Variants in CCNJL observed in about 807,000 individuals in gnomAD.
The protein encoded by CCNJL is cyclin J like.
In CCNJL, 33 loss-of-function variants were observed where a neutral mutation model predicts 33.4. That is an observed-to-expected ratio of 0.99 (90% CI 0.75 to 1.32). The LOEUF is 1.32. Ranked by LOEUF, CCNJL falls within the 40% of genes most tolerant of loss-of-function variation. The probability of loss-of-function intolerance (pLI) is 0.00; values close to 1 mark genes in which losing one functional copy is unlikely to be tolerated. For synonymous variants in CCNJL, 227 were observed against 220.9 expected (o/e 1.03, Z -0.24); for missense variants, 512 against 499.7 (o/e 1.02, Z -0.23).
At chr5:160,303,775 C>G (rs530810658) in intron 2 of CCNJL, among the ~76,000 whole-genome samples, 1 of 150,868 alleles carries the variant, frequency 6.6e-6, no homozygotes, top group East Asian at 2.0e-4. Context: ...GAGAGAACAG[C>G]AGAGTCGCAG....
At chr5:160,322,284 C>G (rs1169304492) in intron 1 of CCNJL, among the ~76,000 whole-genome samples, 1 of 152,230 alleles carries the variant, frequency 6.6e-6, no homozygotes, top group Non-Finnish European at 1.5e-5. Flanking sequence ...CCCAACCCAG[C>G]CTGCTTCCAC....
chr5:160,333,436 T>G (rs756864721), intron 1 of CCNJL, among the ~76,000 whole-genome samples: 60 of 151,816 alleles, frequency 4.0e-4, no homozygotes, highest in Non-Finnish European at 7.5e-4. Flanking sequence ...AAAATTTTTT[T>G]AAAAAGTAGC....
upstream of CCNJL, among the ~76,000 whole-genome samples, chr5:160,316,270 C>A (rs1763379600): frequency 6.6e-6 from 1 of 152,148 alleles, no homozygotes; most frequent in Admixed American, 6.6e-5. Flanking sequence ...AAGAAGCATT[C>A]ATTAAGCCAT....
chr5:160,263,050 C>A (rs150863041), intron 3 of CCNJL, among the ~76,000 whole-genome samples: 2 of 152,162 alleles, frequency 1.3e-5, no homozygotes, highest in Admixed American at 6.5e-5. Context: ...CTTTTGATTT[C>A]GAAAATTTTC....
intron 5 of CCNJL, chr5:160,254,075 T>C (rs1350230747): frequency 4.3e-6 from 2 of 467,266 alleles, no homozygotes; most frequent in South Asian, 5.1e-5. Context: ...CTGCCCTATC[T>C]CCACAGTCAA....
rs1387989014 is a variant in CCNJL at position 160,249,802 on chromosome 5, A to G, written c.*3576T>C. 34 of 143,556 alleles carry G rather than the reference A, an allele frequency of 2.4e-4. 1 individual carries two copies. Among genetic ancestry groups the G allele is most frequent in the Admixed American group, 2.3e-3 (34 of 14,666 alleles). 8.9% of individuals were successfully genotyped at this position (143,556 alleles called of 1,614,324 possible). A position where few individuals can be genotyped will look rare whatever the true frequency, so the allele number is the denominator to read the frequency against. The stretch of plus-strand genomic sequence containing the variant: ...TAAATAAATAAATAAATAAATAAAT[A>G]AATAAAATAAAAATTTAAAAAATCA... On this transcript the variant is annotated 3_prime_UTR_variant, in exon 6 of 6. Transcript: ENST00000257536.
rs80159667 is a variant in CCNJL, at chr5:160,249,189, T to C, written c.*4189A>G. Reference sequence around the variant, plus strand: ...AACCATGCTGCCTCTGAAACTTAATTACATCCAGAAAGGACACTTGCATGC... The same window carrying C: ...AACCATGCTGCCTCTGAAACTTAATCACATCCAGAAAGGACACTTGCATGC... On this transcript the variant is annotated 3_prime_UTR_variant, in exon 6 of 6. Coordinates refer to ENST00000257536, the MANE Select transcript of CCNJL (RefSeq NM_001308173.3). The C allele has an allele frequency of 1.2e-3, 184 of 152,332 alleles. No individual in the cohort carries two copies. Among genetic ancestry groups the C allele is most frequent in the African/African-American group, 4.2e-3 (174 of 41,568 alleles). The allele number at this position is 152,332 out of a possible 1,614,324, so 9.4% of individuals were successfully genotyped here.
At chr5:160,265,533 G>C (rs1285499080) in intron 3 of CCNJL, among the ~76,000 whole-genome samples, 2 of 152,070 alleles carry the variant, frequency 1.3e-5, no homozygotes, top group African/African-American at 4.8e-5. Context: ...AGCTACTCAG[G>C]AGGCTAAGGC....
intron 2 of CCNJL, among the ~76,000 whole-genome samples, chr5:160,284,362 A>C (rs1210129264): frequency 2.0e-5 from 3 of 152,202 alleles, no homozygotes; most frequent in Non-Finnish European, 4.4e-5. Flanking sequence ...AAAAAAAATT[A>C]AAATAAAATA....
At chr5:160,320,845 CTTTCCT>C (rs1270174012) in intron 1 of CCNJL, among the ~76,000 whole-genome samples, 44 of 81,892 alleles carry the variant, frequency 5.4e-4, no homozygotes, top group African/African-American at 1.7e-3. Context: ...TTCTTTCTTT[CTTTCCT>C]TCTTTCTTTC....
chr5:160,295,428 T>C (rs1454747773), intron 2 of CCNJL, among the ~76,000 whole-genome samples: 5 of 152,002 alleles, frequency 3.3e-5, no homozygotes, highest in East Asian at 1.9e-4. Flanking sequence ...CTGGAGGTTG[T>C]AGTGAGCCGA....
chr5:160,272,597 T>C (rs1446628573), intron 3 of CCNJL, among the ~76,000 whole-genome samples: 3 of 152,354 alleles, frequency 2.0e-5, no homozygotes, highest in East Asian at 1.9e-4. Flanking sequence ...TGTTCTTTTA[T>C]AGTTTATTGT....
chr5:160,278,615 T>C (rs1762097565), intron 3 of CCNJL, among the ~76,000 whole-genome samples: 1 of 152,168 alleles, frequency 6.6e-6, no homozygotes, highest in South Asian at 2.1e-4. Flanking sequence ...TGCCTCTCTG[T>C]CTGAAACGTC....
chr5:160,269,760 C>A (rs1580965873), intron 3 of CCNJL, among the ~76,000 whole-genome samples: 1 of 152,144 alleles, frequency 6.6e-6, no homozygotes, highest in Non-Finnish European at 1.5e-5. Context: ...CCTGGCACAG[C>A]CAAGGAAGGA....
chr5:160,291,036 TAAAAAAAAAAA>T (rs1177369719), intron 2 of CCNJL, among the ~76,000 whole-genome samples: 4 of 57,540 alleles, frequency 7.0e-5, no homozygotes, highest in Non-Finnish European at 9.0e-5. Flanking sequence ...CGTCTTTACT[TAAAAAAAAAAA>T]AAAAAAAAAA....
rs146102589 is a variant in CCNJL at position 160,325,334 on chromosome 5, C to T, written n.207-9829G>A. 4.5e-3 allele frequency among the ~76,000 whole-genome samples: 680 copies of T among 152,296 alleles called. 12 individuals carry two copies. Among genetic ancestry groups the T allele is most frequent in the African/African-American group, 0.015 (642 of 41,560 alleles). On this transcript the variant is annotated intron_variant and non_coding_transcript_variant, in intron 1 of 7. Transcript: ENST00000377503. Reference sequence around the variant, plus strand: ...TTTGAGCAGTCCATAAACCAGACTCCAGCCCCCTCAGCAGTCATTGGTCTC... The same window carrying T: ...TTTGAGCAGTCCATAAACCAGACTCTAGCCCCCTCAGCAGTCATTGGTCTC...
Position 160,269,997 on chromosome 5 carries a change from T to C in CCNJL, c.281-10226A>G, listed in dbSNP as rs76073369. Among the ~76,000 whole-genome samples, 124 of 152,278 alleles carry C rather than the reference T, an allele frequency of 8.1e-4. 1 individual carries two copies. The East Asian group carries it at 0.022, about 27-fold the overall frequency. The stretch of plus-strand genomic sequence containing the variant: ...TTTGAGGATTAAATTAGTAAATCTG[T>C]GTAAAAAATTCAGAACACTGTGTGA... On this transcript the variant is annotated intron_variant, in intron 3 of 5. Coordinates refer to ENST00000257536, the MANE Select transcript of CCNJL (RefSeq NM_001308173.3).
At chr5:160,283,636 A>C (rs1762314235) in intron 2 of CCNJL, among the ~76,000 whole-genome samples, 1 of 152,172 alleles carries the variant, frequency 6.6e-6, no homozygotes. Flanking sequence ...CAATCTAATC[A>C]CACTCTTAGT....
intron 2 of CCNJL, among the ~76,000 whole-genome samples, chr5:160,303,698 GTC>G (rs1246853444): frequency 8.0e-4 from 72 of 90,328 alleles, no homozygotes; most frequent in South Asian, 1.9e-3. Flanking sequence ...TCCTCTGTGT[GTC>G]TGTGTGTGTG....
Sources: gnomAD v4.1 joint callset for allele counts (sites outside exome capture counted in the v4.1 genomes callset) on GRCh38, gnomAD v4.1.1 for gene constraint, MANE v1.5 for transcripts, NCBI Gene and HGNC (gene_info 2026-07-23, HGNC 2026-07-21) for gene names.